The following EIF3C variants were observed in gnomAD, a reference collection of about 807,000 sequenced individuals.
The protein encoded by EIF3C is eukaryotic translation initiation factor 3 subunit C.
In EIF3C, 2 loss-of-function variants were observed where a neutral mutation model predicts 11.1. The observed-to-expected ratio is 0.18, with a 90% CI of 0.07 to 0.57. EIF3C has a LOEUF of 0.57. Ranked by LOEUF, EIF3C falls within the 20% of genes least tolerant of loss-of-function variation. The pLI is 0.92. For missense variants in EIF3C, 16 were observed against 114.6 expected, an observed-to-expected ratio of 0.14 and a Z score of 3.93; for synonymous variants, 2 against 41.5, an observed-to-expected ratio of 0.05 and a Z score of 3.66.
At chr16:28,730,272 C>CCCACCT (rs1422283011) in intron 15 of EIF3C, among the ~76,000 whole-genome samples, 1 of 136,224 alleles carries the variant, frequency 7.3e-6, no homozygotes, top group Non-Finnish European at 1.6e-5. Context: ...CCACGATCCA[C>CCCACCT]CCACCTCAGC....
intron 1 of EIF3C, among the ~76,000 whole-genome samples, chr16:28,699,482 C>CGGAGAG (rs56382957): frequency 0.083 from 6,936 of 83,772 alleles, 1,897 homozygotes; most frequent in African/African-American, 0.37. Context: ...GAGACGGAGA[C>CGGAGAG]GGAGAGGGAG....
chr16:28,697,970 G>A (rs1175806571), intron 1 of EIF3C, among the ~76,000 whole-genome samples: 16 of 80,364 alleles, frequency 2.0e-4, no homozygotes, highest in Admixed American at 2.2e-4. Flanking sequence ...CTCACCTCCC[G>A]GGCGGGGCGG....
rs1311494869 is a variant in EIF3C at position 28,697,979 on chromosome 16, G to A, written c.-31+9151G>A. ...GCGCCCCTCACCTCCCGGGCGGGGC[G>A]GCTGGCCGGGCGGGGGGGCTGACCC... is the stretch of plus-strand genomic sequence containing the variant. On this transcript the variant is annotated intron_variant, in intron 1 of 20. Transcript: ENST00000566501. Among the ~76,000 whole-genome samples the A allele has an allele frequency of 3.8e-4, 26 of 67,710 alleles. 4 individuals are homozygous for A. The highest frequency in any genetic ancestry group is 2.1e-3 in the African/African-American group (24 of 11,344). 44.4% of individuals were successfully genotyped at this position (67,710 alleles called of 152,430 possible).
chr16:28,698,413 T>A (rs377742168), intron 1 of EIF3C, among the ~76,000 whole-genome samples: 1 of 63,502 alleles, frequency 1.6e-5, no homozygotes, highest in Non-Finnish European at 2.7e-5. Context: ...CCGGACGGCA[T>A]GGCTGGCCAG....
rs534478570 is a variant in EIF3C, at chr16:28,723,249, C to A, written c.862C>A (p.Arg288Ser). Reference sequence around the variant, plus strand: ...GAAGAAGCACGACAGGAAATCCAAGCGCCTGGATGAGGAGGAGGAGGACAA... The same window carrying A: ...GAAGAAGCACGACAGGAAATCCAAGAGCCTGGATGAGGAGGAGGAGGACAA... ...AKKKHDRKSK[R>S]LDEEEEDNEG... The change falls in exon 9 of 21, where the codon CGC (arginine) becomes AGC (serine). Residue 288 changes from arginine (R) to serine (S), a missense_variant. Transcript: ENST00000331666. 3.1e-6 allele frequency: 5 copies of A among 1,614,292 alleles called. No homozygotes were observed. In the African/African-American group the frequency reaches 6.7e-5, roughly 22 times the overall value.
Position 28,728,548 on chromosome 16 carries a change from G to GTT in EIF3C, c.1818+1306_1818+1307dup, listed in dbSNP as rs1555491257. Among the ~76,000 whole-genome samples, 4 of 118,946 alleles carry GTT rather than the reference G, an allele frequency of 3.4e-5. 1 individual carries two copies. Among genetic ancestry groups the GTT allele is most frequent in the Non-Finnish European group, 7.6e-5 (4 of 52,498 alleles). 78.0% of individuals were successfully genotyped at this position (118,946 alleles called of 152,430 possible). On this transcript the variant is annotated intron_variant, in intron 15 of 20. Coordinates refer to ENST00000331666, the MANE Select transcript of EIF3C (RefSeq NM_003752.5). ...TGTGTGTGTGTGTGTGTGTGTGTGTGTTTTGAGACAGAGTCTCGCTCTGTT... is the reference window on the plus strand; with the variant it reads ...TGTGTGTGTGTGTGTGTGTGTGTGTGTTTTTTGAGACAGAGTCTCGCTCTGTT...
intron 1 of EIF3C, among the ~76,000 whole-genome samples, chr16:28,698,265 C>G (rs1324036070): frequency 7.9e-6 from 1 of 126,850 alleles, no homozygotes; most frequent in Non-Finnish European, 1.7e-5. Flanking sequence ...GCTGACCCCC[C>G]CATCTCCCTC....
intron 8 of EIF3C, 181 bp from the exon 9 acceptor site, chr16:28,722,983 G>C: frequency 1.5e-6 from 1 of 678,432 alleles, no homozygotes; most frequent in South Asian, 1.9e-5. Context: ...CAGTGGCCTG[G>C]TTAGTACTCT....
intron 15 of EIF3C, among the ~76,000 whole-genome samples, chr16:28,730,070 C>T (rs1199193953): frequency 6.8e-6 from 1 of 147,612 alleles, no homozygotes; most frequent in Non-Finnish European, 1.5e-5. Context: ...ACTCTGTCAC[C>T]CAAGCTGGAG....
At chr16:28,725,758 T>TC (rs1019410025) in intron 13 of EIF3C, among the ~76,000 whole-genome samples, 1 of 12,060 alleles carries the variant, frequency 8.3e-5, no homozygotes. Flanking sequence ...AGAGCAAGAC[T>TC]CCATCTCAAA....
chr16:28,697,870 C>A (rs1240313972), intron 1 of EIF3C, among the ~76,000 whole-genome samples: 1 of 80,158 alleles, frequency 1.2e-5, no homozygotes, highest in Non-Finnish European at 2.3e-5. Context: ...GGGCGGGGGG[C>A]TGACCCCCCA....
chr16:28,730,031 GTGTTTTT>G (rs1386189589), intron 15 of EIF3C, among the ~76,000 whole-genome samples: 1 of 149,704 alleles, frequency 6.7e-6, no homozygotes, highest in African/African-American at 2.5e-5. Context: ...TCATTATTGT[GTGTTTTT>G]TGTTTTTTGA....
chr16:28,700,816 A>C (rs2048277191), intron 1 of EIF3C: 1 of 129,236 alleles, frequency 7.7e-6, no homozygotes, highest in African/African-American at 4.7e-5. Context: ...TTTCTCCTGC[A>C]CCTCTAGATC....
rs1426367379 is a variant in EIF3C at position 28,699,432 on chromosome 16, C to T, written c.-31+10604C>T. ...CAGCACTACAGTCCAGCTTCGGCTC[C>T]GCATGAGAGGGAGACCGTGGGGAGA... On this transcript the variant is annotated intron_variant, in intron 1 of 20. Transcript: ENST00000566501. Among the ~76,000 whole-genome samples the T allele has an allele frequency of 1.2e-4, 12 of 100,822 alleles. No homozygotes were observed. In the East Asian group the frequency reaches 1.5e-3, roughly 12 times the overall value. The allele number at this position is 100,822 out of a possible 152,430, so 66.1% of individuals were successfully genotyped here. A position where few individuals can be genotyped will look rare whatever the true frequency, so the allele number is the denominator to read the frequency against.
chr16:28,701,002 G>C (rs1398456740), intron 1 of EIF3C: 1 of 156,198 alleles, frequency 6.4e-6, no homozygotes, highest in African/African-American at 5.5e-5. Flanking sequence ...CCGGGTTCAA[G>C]CGATTCTCCT....
At chr16:28,718,691 G>T (rs2048330355) in intron 8 of EIF3C, among the ~76,000 whole-genome samples, 1 of 138,526 alleles carries the variant, frequency 7.2e-6, no homozygotes, top group Non-Finnish European at 1.5e-5. Flanking sequence ...CGCAATCTCG[G>T]CTCACTGCAA....
In EIF3C at chr16:28,700,526, C is replaced by T. The variant is rs542882333; in HGVS notation, c.-30-11131C>T. On this transcript the variant is annotated intron_variant, in intron 1 of 20. Coordinates refer to the EIF3C transcript ENST00000566501. Reference sequence around the variant, plus strand: ...CTCAGGGGGGAACTCGTCACCTCCACGGGTTCCAGGCCATCAGGGCCAAGC... The same window carrying T: ...CTCAGGGGGGAACTCGTCACCTCCATGGGTTCCAGGCCATCAGGGCCAAGC... 2.5e-5 allele frequency: 8 copies of T among 319,856 alleles called. 2 individuals are homozygous for T. The highest frequency in any genetic ancestry group is 9.7e-5 in the East Asian group (1 of 10,352). The allele number at this position is 319,856 out of a possible 1,614,324, so 19.8% of individuals were successfully genotyped here.
rs1239428746 is a variant in EIF3C at position 28,698,404 on chromosome 16, C to T, written c.-31+9576C>T. ...GGGGCTGACCCTCCCACCTCCCTCC[C>T]GGACGGCATGGCTGGCCAGGCGGGG... On this transcript the variant is annotated intron_variant, in intron 1 of 20. Transcript: ENST00000566501. Among the ~76,000 whole-genome samples the T allele has an allele frequency of 2.4e-4, 23 of 96,154 alleles. 3 individuals carry two copies. Among genetic ancestry groups the T allele is most frequent in the Non-Finnish European group, 3.7e-4 (19 of 50,876 alleles). 63.1% of individuals were successfully genotyped at this position (96,154 alleles called of 152,430 possible).
chr16:28,689,248 G>A (rs541900022), intron 1 of EIF3C, among the ~76,000 whole-genome samples: 1 of 50,698 alleles, frequency 2.0e-5, no homozygotes, highest in East Asian at 4.9e-4. Context: ...TTCACACTTA[G>A]TCACAATCCC....
Sources: gnomAD v4.1 joint callset for allele counts (sites outside exome capture counted in the v4.1 genomes callset) on GRCh38, gnomAD v4.1.1 for gene constraint, MANE v1.5 for transcripts, NCBI Gene and HGNC (gene_info 2026-07-23, HGNC 2026-07-21) for gene names.